The following GNAS-AS1 variants were observed in gnomAD, a reference collection of about 807,000 sequenced individuals.
The protein encoded by GNAS-AS1 is GNAS antisense RNA 1.
chr20:58,838,514 T>C (rs983893981), intron 4 of GNAS-AS1, among the ~76,000 whole-genome samples: 18 of 152,192 alleles, frequency 1.2e-4, no homozygotes, highest in Non-Finnish European at 4.4e-5. Context: ...TATCCTTTCC[T>C]TAATACAATA....
chr20:58,825,241 G>A (rs1056736535), intron 4 of GNAS-AS1, among the ~76,000 whole-genome samples: 1 of 152,200 alleles, frequency 6.6e-6, no homozygotes, highest in African/African-American at 2.4e-5. Flanking sequence ...CCTTAGCTAA[G>A]AGGCACCTGA....
chr20:58,829,924 A>C (rs573784291), intron 4 of GNAS-AS1, among the ~76,000 whole-genome samples: 1 of 152,254 alleles, frequency 6.6e-6, no homozygotes, highest in South Asian at 2.1e-4. Context: ...CGCAGAGTAC[A>C]GGACCTAGAA....
At chr20:58,824,070 T>C (rs1229704731) in intron 4 of GNAS-AS1, 1 of 398,540 alleles carries the variant, frequency 2.5e-6, no homozygotes, top group Non-Finnish European at 4.4e-6. Context: ...GGCTTCAACA[T>C]ATCCTAAAAG....
chr20:58,849,116 T>A (rs1271136694), intron 1 of GNAS-AS1, among the ~76,000 whole-genome samples: 1 of 152,140 alleles, frequency 6.6e-6, no homozygotes, highest in Non-Finnish European at 1.5e-5. Context: ...TCTGGAGACA[T>A]TTTTGGTTGT....
intron 4 of GNAS-AS1, among the ~76,000 whole-genome samples, chr20:58,822,418 T>C (rs913987242): frequency 5.3e-5 from 8 of 152,114 alleles, no homozygotes; most frequent in African/African-American, 1.9e-4. Context: ...CCAGCTACGG[T>C]TGTCTATGGA....
At chr20:58,834,590 C>T (rs981017192) in intron 4 of GNAS-AS1, 2 of 152,332 alleles carry the variant, frequency 1.3e-5, no homozygotes, top group South Asian at 4.1e-4. Flanking sequence ...CTGTACCCCT[C>T]TTGGGTACTG....
chr20:58,840,753 G>C lies in GNAS-AS1; in HGVS notation n.819+1184C>G, dbSNP rs142690161. ...AAGGAGCCCAAGGAGGAGAAGCAGCGGCGTCGCTGCAAGCCAAAGAAGCCC... is the reference window on the plus strand; with the variant it reads ...AAGGAGCCCAAGGAGGAGAAGCAGCCGCGTCGCTGCAAGCCAAAGAAGCCC... On this transcript the variant is annotated intron_variant and non_coding_transcript_variant, in intron 4 of 4. Coordinates refer to ENST00000424094, the Ensembl canonical transcript of GNAS-AS1. The surrounding 1 kb of genome is among the most constrained non-coding windows in gnomAD (Gnocchi z 6.0). 5.2e-5 allele frequency: 83 copies of C among 1,606,400 alleles called. 1 individual carries two copies. Among genetic ancestry groups the C allele is most frequent in the Non-Finnish European group, 7.6e-6 (9 of 1,179,528 alleles).
At chr20:58,844,928 C>T (rs1207059898) in intron 2 of GNAS-AS1, among the ~76,000 whole-genome samples, 1 of 152,174 alleles carries the variant, frequency 6.6e-6, no homozygotes, top group African/African-American at 2.4e-5. Context: ...CAGTTGGTTG[C>T]AAAATGGTCT....
chr20:58,823,261 C>T (rs1329035440), intron 4 of GNAS-AS1, among the ~76,000 whole-genome samples: 3 of 152,212 alleles, frequency 2.0e-5, no homozygotes, highest in African/African-American at 4.8e-5. Context: ...CTGCCTCATT[C>T]GGCCCCCATG....
intron 2 of GNAS-AS1, among the ~76,000 whole-genome samples, chr20:58,848,082 CCACCTGTGG>C (rs1057128389): frequency 2.6e-5 from 4 of 152,216 alleles, no homozygotes; most frequent in African/African-American, 9.7e-5. Context: ...CCACTGTTTG[CCACCTGTGG>C]CACCTGGGCC....
rs761937008 is a variant in GNAS-AS1, at chr20:58,840,270, G to T, written n.819+1667C>A. The T allele has an allele frequency of 1.9e-6, 3 of 1,611,900 alleles. No homozygotes were observed. The East Asian group carries it at 6.7e-5, about 36-fold the overall frequency. ...ACCTCCAACGCCCGTGCCCAGCAGC[G>T]CGCGGCTGCCCAACAGCGCCGGAGC... is the stretch of plus-strand genomic sequence containing the variant. On this transcript the variant is annotated intron_variant and non_coding_transcript_variant, in intron 4 of 4. Transcript: ENST00000424094. This position sits in a 1 kb window ranked among gnomAD's most constrained non-coding sequence, Gnocchi z 6.0.
At chr20:58,838,884 T>G in intron 4 of GNAS-AS1, 1 of 361,816 alleles carries the variant, frequency 2.8e-6, no homozygotes. Flanking sequence ...ATCAGTGCAC[T>G]CCAGCTTGGG....
At chr20:58,825,983 A>C (rs746057066) in intron 4 of GNAS-AS1, 2 of 398,426 alleles carry the variant, frequency 5.0e-6, no homozygotes, top group Non-Finnish European at 8.9e-6. Context: ...GGTCTCTGAG[A>C]GTGCGCCATT....
At chr20:58,834,135 G>A (rs187226886) in intron 4 of GNAS-AS1, 1 of 152,230 alleles carries the variant, frequency 6.6e-6, no homozygotes, top group Non-Finnish European at 1.5e-5. Context: ...AAGTCTGATG[G>A]GGTGAGTCAG....
chr20:58,820,303 G>C (rs1389865605), intron 4 of GNAS-AS1, among the ~76,000 whole-genome samples: 1 of 152,246 alleles, frequency 6.6e-6, no homozygotes, highest in African/African-American at 2.4e-5. Flanking sequence ...TCCTGGCCCA[G>C]CTGCCAAGAC....
At chr20:58,847,735 T>A (rs1454650635) in intron 2 of GNAS-AS1, among the ~76,000 whole-genome samples, 1 of 152,194 alleles carries the variant, frequency 6.6e-6, no homozygotes, top group Non-Finnish European at 1.5e-5. Flanking sequence ...TGGTTTCTGT[T>A]CCCTTCCCTT....
At chr20:58,822,524 T>C (rs1225318612) in intron 4 of GNAS-AS1, among the ~76,000 whole-genome samples, 3 of 152,188 alleles carry the variant, frequency 2.0e-5, no homozygotes, top group Non-Finnish European at 4.4e-5. Flanking sequence ...CACCTAAACG[T>C]TGGCGGTCAT....
intron 2 of GNAS-AS1, among the ~76,000 whole-genome samples, chr20:58,847,781 C>T (rs969563940): frequency 6.6e-6 from 1 of 152,200 alleles, no homozygotes; most frequent in African/African-American, 2.4e-5. Context: ...ACTTTGCCTT[C>T]TCTTTGTTGG....
chr20:58,821,627 T>G (rs138420384), intron 4 of GNAS-AS1, among the ~76,000 whole-genome samples: 77 of 152,218 alleles, frequency 5.1e-4, no homozygotes, highest in African/African-American at 1.7e-3. Flanking sequence ...TGTGCAAGTA[T>G]GGCTAACCCT....
Sources: gnomAD v4.1 joint callset for allele counts (sites outside exome capture counted in the v4.1 genomes callset) on GRCh38, gnomAD v4.1.1 for gene constraint, Gnocchi (gnomAD v3.1) non-coding constraint, MANE v1.5 for transcripts, NCBI Gene and HGNC (gene_info 2026-07-23, HGNC 2026-07-21) for gene names.